MEIOC: variants seen among roughly 807,000 people sequenced by gnomAD.
The protein encoded by MEIOC is meiosis specific with coiled-coil domain.
A neutral mutation model predicts 85.3 loss-of-function variants in MEIOC; 9 were observed. The ratio of observed to expected loss-of-function variants is 0.11; its 90% confidence interval spans 0.06 to 0.18. The LOEUF (loss-of-function observed/expected upper bound fraction) is 0.18, where lower values mean the gene tolerates loss of function less well. Among genes scored for constraint, MEIOC ranks in the 10% least tolerant of loss-of-function variants. The pLI, the probability that MEIOC is intolerant of heterozygous loss-of-function variation, is 1.00. For synonymous variants in MEIOC, 365 were observed against 393.7 expected, an observed-to-expected ratio of 0.93 and a Z score of 0.86; for missense variants, 898 against 1,129.4, an observed-to-expected ratio of 0.80 and a Z score of 2.94.
At chr17:44,671,976 T>A (rs1016984679) in intron 6 of MEIOC, among the ~76,000 whole-genome samples, 15 of 152,296 alleles carry the variant, frequency 9.8e-5, no homozygotes, top group African/African-American at 3.4e-4. Flanking sequence ...AAATATTTTT[T>A]AAACTTTATT....
intron 6 of MEIOC, chr17:44,670,957 C>T (rs1215031039): frequency 6.6e-6 from 1 of 151,990 alleles, no homozygotes; most frequent in African/African-American, 2.4e-5. Context: ...TTCTAAGCAA[C>T]TTAGGGTAGG....
At chr17:44,668,264 A>G in intron 5 of MEIOC, 31 bp downstream of exon 5, 1 of 1,539,930 alleles carries the variant, frequency 6.5e-7, no homozygotes, top group Non-Finnish European at 8.8e-7. Context: ...TAGGAATAAC[A>G]GTATGTTCCT....
chr17:44,657,348 C>G, intron 2 of MEIOC, 87 bp downstream of exon 2: 3 of 1,187,640 alleles, frequency 2.5e-6, no homozygotes, highest in Non-Finnish European at 3.5e-6. Context: ...TTAATGGCTC[C>G]ACAGTTAAGG....
chr17:44,663,076 C>T (rs1165624044), intron 3 of MEIOC, among the ~76,000 whole-genome samples: 1 of 152,170 alleles, frequency 6.6e-6, no homozygotes, highest in Non-Finnish European at 1.5e-5. Context: ...ATGTTTTTGT[C>T]ATCCAGTTCT....
intron 3 of MEIOC, 22 bp downstream of exon 3, chr17:44,662,493 G>A (rs777611098): frequency 1.4e-6 from 2 of 1,443,138 alleles, no homozygotes; most frequent in South Asian, 2.7e-5. Flanking sequence ...CATTTCTCAA[G>A]GTAATTGAGG....
chr17:44,675,178 T>G lies in MEIOC; in HGVS notation c.*982T>G. On this transcript the variant is annotated 3_prime_UTR_variant, in exon 8 of 8. Coordinates refer to ENST00000409122, the MANE Select transcript of MEIOC (RefSeq NM_001145080.3). ...TTTGCTTCTAAGTTCTAAAATGTAT[T>G]TTTTAAAGGTTAATCTCTAACTAGT... is the stretch of plus-strand genomic sequence containing the variant. 1 of 985,290 alleles carries G rather than the reference T, an allele frequency of 1.0e-6. No homozygotes were observed. Among genetic ancestry groups the G allele is most frequent in the Non-Finnish European group, 1.2e-6 (1 of 829,792 alleles). The allele number at this position is 985,290 out of a possible 1,614,324, so 61.0% of individuals were successfully genotyped here. A position where few individuals can be genotyped will look rare whatever the true frequency, so the allele number is the denominator to read the frequency against.
At chr17:44,671,860 C>T (rs961071433) in intron 6 of MEIOC, among the ~76,000 whole-genome samples, 3 of 150,620 alleles carry the variant, frequency 2.0e-5, no homozygotes, top group African/African-American at 4.9e-5. Flanking sequence ...GAGCCGAGAT[C>T]GCGCCACTGC....
At chr17:44,671,587 CATT>C (rs1354427331) in intron 6 of MEIOC, among the ~76,000 whole-genome samples, 1 of 150,302 alleles carries the variant, frequency 6.7e-6, no homozygotes, top group African/African-American at 2.5e-5. Flanking sequence ...TACTTAGCAA[CATT>C]ATTTCATTAA....
chr17:44,675,512 TAA>T lies in MEIOC; in HGVS notation c.*1326_*1327del, dbSNP rs928730787. On this transcript the variant is annotated 3_prime_UTR_variant, in exon 8 of 8. Coordinates refer to ENST00000409122, the MANE Select transcript of MEIOC (RefSeq NM_001145080.3). ...TTCTTAGTTTTAGAAATTCTGGTATTAAAAAAAAAAAGAGTGTAATCATACCA... is the reference window on the plus strand; with the variant it reads ...TTCTTAGTTTTAGAAATTCTGGTATTAAAAAAAAAGAGTGTAATCATACCA... The T allele has an allele frequency of 4.4e-5, 33 of 747,900 alleles. No homozygotes were observed. The highest frequency in any genetic ancestry group is 1.2e-4 in the South Asian group (2 of 16,540). 46.3% of individuals were successfully genotyped at this position (747,900 alleles called of 1,614,324 possible).
At chr17:44,664,560 A>C (rs1035137958) in intron 3 of MEIOC, among the ~76,000 whole-genome samples, 2 of 152,160 alleles carry the variant, frequency 1.3e-5, no homozygotes, top group Non-Finnish European at 2.9e-5. Context: ...ACAAGTATAC[A>C]TTATATATTT....
At chr17:44,661,288 CAAAAAAAAAAAA>C (rs1186351387) in intron 2 of MEIOC, among the ~76,000 whole-genome samples, 12 of 54,236 alleles carry the variant, frequency 2.2e-4, no homozygotes, top group Middle Eastern at 0.023. Context: ...ACTCTTGTCT[CAAAAAAAAAAAA>C]AAAAAAAAAA....
chr17:44,658,936 G>A (rs910812629), intron 2 of MEIOC, among the ~76,000 whole-genome samples: 11 of 149,456 alleles, frequency 7.4e-5, no homozygotes, highest in Non-Finnish European at 8.9e-5. Flanking sequence ...GTTTTTTTTC[G>A]TTCAGGCATT....
intron 6 of MEIOC, 93 bp downstream of exon 6, chr17:44,669,610 AC>A (rs1247319370): frequency 7.5e-7 from 1 of 1,335,304 alleles, no homozygotes; most frequent in Non-Finnish European, 1.0e-6. Context: ...CTGTAATCCC[AC>A]CACTTTGGGA....
At chr17:44,657,620 C>G (rs1311476703) in intron 2 of MEIOC, among the ~76,000 whole-genome samples, 1 of 151,884 alleles carries the variant, frequency 6.6e-6, no homozygotes, top group East Asian at 1.9e-4. Flanking sequence ...GTGGTGCGAT[C>G]TCGGCTCACC....
intron 2 of MEIOC, among the ~76,000 whole-genome samples, chr17:44,660,799 C>A (rs1971831948): frequency 6.6e-6 from 1 of 151,960 alleles, no homozygotes; most frequent in Non-Finnish European, 1.5e-5. Flanking sequence ...TCATTAAAAT[C>A]TTAAAACCCA....
In MEIOC at chr17:44,673,460, A is replaced by G; in HGVS notation, c.2552A>G (p.His851Arg). The G allele has an allele frequency of 6.4e-7, 1 of 1,551,794 alleles. No homozygotes were observed. Among genetic ancestry groups the G allele is most frequent in the Non-Finnish European group, 8.7e-7 (1 of 1,147,004 alleles). Residue 851 changes from histidine to arginine, a missense_variant, in exon 7 of 8, where the codon CAC becomes CGC. His to Arg is a conservative substitution (Grantham distance 29, BLOSUM62 0). This residue lies in a region of MEIOC where 164 missense variants were observed against 269.2 expected (regional missense o/e 0.61). Transcript: ENST00000409122. ...CTTGATAGACACTTGGAGTCTATTC[A>G]CATTGTACAGTCACGTAGAAAGGAT... Reference protein sequence around the residue: ...TALDRHLESIHIVQSRRKDEI... With the variant: ...TALDRHLESIRIVQSRRKDEI...
Position 44,669,511 on chromosome 17 carries a change from A to T in MEIOC, c.2451A>T (p.Leu817=). ...TAATTGTGGATGAACTTCGAGAACT[A>T]GCCAGAGTAAGCTGTAAAAATAGAT... is the stretch of plus-strand genomic sequence containing the variant. The part of the protein sequence containing the change: ...DRLIVDELRE[L]ARVVTLLGKM... Residue 817 remains leucine (L), a synonymous_variant, in exon 6 of 8, where the codon CTA becomes CTT. Transcript: ENST00000409122. The T allele has an allele frequency of 6.4e-7, 1 of 1,552,020 alleles. No homozygotes were observed. The highest frequency in any genetic ancestry group is 8.7e-7 in the Non-Finnish European group (1 of 1,147,138).
intron 6 of MEIOC, chr17:44,670,301 G>C (rs1445647028): frequency 2.7e-5 from 4 of 149,746 alleles, no homozygotes; most frequent in Non-Finnish European, 4.4e-5. Context: ...AAAAGGAACG[G>C]GAAAATAGTC....
At chr17:44,676,871 A>G, downstream of MEIOC, 2 of 787,416 alleles carry the variant, frequency 2.5e-6, no homozygotes, top group Non-Finnish European at 3.1e-6. Context: ...TTTTAGACGT[A>G]AAGGATTTAT....
Sources: allele counts gnomAD v4.1 joint callset (sites outside exome capture counted in the v4.1 genomes callset), GRCh38; gene constraint gnomAD v4.1.1; regional missense constraint gnomAD v4.1.1; transcripts MANE v1.5; gene names NCBI Gene and HGNC (gene_info 2026-07-23, HGNC 2026-07-21).